The following WDR49 variants were observed in gnomAD, a reference collection of about 807,000 sequenced individuals.
The protein encoded by WDR49 is WD repeat domain 49.
A neutral mutation model predicts 119.5 loss-of-function variants in WDR49; 107 were observed. That is an observed-to-expected ratio of 0.90 (90% CI 0.77 to 1.05). WDR49 has a LOEUF of 1.05. WDR49 is among the 50% of genes least tolerant of loss of function. WDR49 has a pLI of 0.00. For synonymous variants in WDR49, 425 were observed against 418.8 expected (o/e 1.01, Z -0.18); for missense variants, 1,240 against 1,220.5 (o/e 1.02, Z -0.24).
chr3:167,480,021 A>G (rs996050574), intron 18 of WDR49, among the ~76,000 whole-genome samples: 8 of 152,050 alleles, frequency 5.3e-5, no homozygotes, highest in South Asian at 4.1e-4. Flanking sequence ...GCCTGAGGTC[A>G]GGAGTTCGAG....
At chr3:167,582,975 C>T (rs1005788954) in intron 7 of WDR49, among the ~76,000 whole-genome samples, 1 of 151,484 alleles carries the variant, frequency 6.6e-6, no homozygotes, top group Admixed American at 6.6e-5. Context: ...CACATACACA[C>T]ACACACACAC....
At chr3:167,627,771 T>C (rs1288925616) in intron 2 of WDR49, among the ~76,000 whole-genome samples, 16 of 152,120 alleles carry the variant, frequency 1.1e-4, no homozygotes, top group Admixed American at 1.0e-3. Context: ...TCATGGTTTT[T>C]GGTAATTAGT....
intron 16 of WDR49, 149 bp from the exon 17 acceptor site, chr3:167,505,565 T>G: frequency 8.5e-7 from 1 of 1,174,834 alleles, no homozygotes; most frequent in Non-Finnish European, 1.1e-6. Flanking sequence ...TTGTTTATAC[T>G]AATCAAGCCC....
intron 2 of WDR49, among the ~76,000 whole-genome samples, chr3:167,640,290 T>C (rs1354697512): frequency 1.3e-5 from 2 of 151,862 alleles, no homozygotes; most frequent in Non-Finnish European, 2.9e-5. Flanking sequence ...TTCTCTCTTG[T>C]TCTCTATTGA....
chr3:167,523,266 T>TA (rs1470368403), intron 15 of WDR49, among the ~76,000 whole-genome samples: 4 of 151,886 alleles, frequency 2.6e-5, no homozygotes, highest in African/African-American at 9.7e-5. Context: ...TAATAAATAG[T>TA]AAATAAAACT....
intron 16 of WDR49, among the ~76,000 whole-genome samples, chr3:167,516,823 A>C (rs1355869034): frequency 2.0e-5 from 3 of 151,988 alleles, no homozygotes; most frequent in African/African-American, 4.8e-5. Context: ...CTAATCTGAC[A>C]AAGGGCTAAT....
rs1398225840 is a variant in WDR49, at chr3:167,536,999, C to T, written c.1825G>A (p.Ala609Thr). 9 of 1,572,944 alleles carry T rather than the reference C, an allele frequency of 5.7e-6. No individual in the cohort carries two copies. Among genetic ancestry groups the T allele is most frequent in the Non-Finnish European group, 6.9e-6 (8 of 1,162,146 alleles). Reference sequence around the variant, plus strand: ...TTTTGGGGTCGAAACACAGTAATAGCCCTAGCAAAAAGGATATAGAATTTA... The same window carrying T: ...TTTTGGGGTCGAAACACAGTAATAGTCCTAGCAAAAAGGATATAGAATTTA... ...DYASWKTIGR[A>T]ITVFRPQNFN... is the part of the protein sequence containing the mutation. Residue 609 changes from alanine (A) to threonine (T), a missense_variant and splice_region_variant, in exon 11 of 19, where the codon GCT (alanine) becomes ACT (threonine). By Grantham distance (58) the Ala-to-Thr change is moderately conservative. Transcript: ENST00000682715.
intron 18 of WDR49, among the ~76,000 whole-genome samples, chr3:167,499,912 T>G (rs191723036): frequency 1.7e-3 from 252 of 152,314 alleles, no homozygotes; most frequent in African/African-American, 5.9e-3. Flanking sequence ...GTTCATGGCA[T>G]TCTAACTTCA....
chr3:167,607,132 A>G (rs1362722817), intron 5 of WDR49, among the ~76,000 whole-genome samples: 1 of 152,158 alleles, frequency 6.6e-6, no homozygotes, highest in Non-Finnish European at 1.5e-5. Flanking sequence ...CCACTCTAGA[A>G]TGAGGGATGT....
intron 18 of WDR49, among the ~76,000 whole-genome samples, chr3:167,497,973 C>G (rs1363837450): frequency 6.6e-6 from 1 of 150,592 alleles, no homozygotes; most frequent in Non-Finnish European, 1.5e-5. Context: ...TCCTGTGTAG[C>G]TGGGAAAACA....
chr3:167,619,697 A>G (rs1368482733), intron 5 of WDR49, among the ~76,000 whole-genome samples: 1 of 152,144 alleles, frequency 6.6e-6, no homozygotes, highest in Non-Finnish European at 1.5e-5. Context: ...GTTAATTTTC[A>G]TTCTTTTCAG....
At chr3:167,511,064 C>T (rs973449383) in intron 16 of WDR49, among the ~76,000 whole-genome samples, 6 of 151,952 alleles carry the variant, frequency 3.9e-5, no homozygotes, top group African/African-American at 9.7e-5. Context: ...TAATATTTTC[C>T]GTACTAGATG....
chr3:167,628,311 G>A (rs1422437927), intron 2 of WDR49, among the ~76,000 whole-genome samples: 2 of 152,076 alleles, frequency 1.3e-5, no homozygotes, highest in Non-Finnish European at 2.9e-5. Context: ...GCTTAATGGG[G>A]AATGCATGTC....
At chr3:167,565,948 C>T (rs1199970667) in intron 8 of WDR49, among the ~76,000 whole-genome samples, 1 of 152,042 alleles carries the variant, frequency 6.6e-6, no homozygotes, top group East Asian at 1.9e-4. Flanking sequence ...AAAAATTCTA[C>T]AAGGGATGTA....
chr3:167,608,525 A>G (rs2108311746), intron 5 of WDR49, among the ~76,000 whole-genome samples: 1 of 152,352 alleles, frequency 6.6e-6, no homozygotes, highest in Non-Finnish European at 1.5e-5. Flanking sequence ...AGGCTCAACA[A>G]TTCACGCTTA....
intron 18 of WDR49, among the ~76,000 whole-genome samples, chr3:167,487,805 G>T (rs1223314611): frequency 1.3e-5 from 2 of 151,918 alleles, no homozygotes; most frequent in East Asian, 3.9e-4. Context: ...TCAGAGAAAA[G>T]CAAATCAAAA....
chr3:167,552,177 G>T (rs1712614400), intron 10 of WDR49, among the ~76,000 whole-genome samples: 1 of 152,004 alleles, frequency 6.6e-6, no homozygotes, highest in South Asian at 2.1e-4. Context: ...AATATGTCCA[G>T]GTCAGAGGGA....
chr3:167,594,897 G>A (rs1323689525), intron 7 of WDR49, among the ~76,000 whole-genome samples: 1 of 150,102 alleles, frequency 6.7e-6, no homozygotes, highest in East Asian at 2.0e-4. Flanking sequence ...GAAATAAAGG[G>A]TATTCAATTA....
chr3:167,587,232 C>T (rs1714864704), intron 7 of WDR49, among the ~76,000 whole-genome samples: 1 of 152,094 alleles, frequency 6.6e-6, no homozygotes, highest in Non-Finnish European at 1.5e-5. Context: ...ATACAATGCT[C>T]CGGTATCCAA....
Sources: allele counts gnomAD v4.1 joint callset (sites outside exome capture counted in the v4.1 genomes callset), GRCh38; gene constraint gnomAD v4.1.1; transcripts MANE v1.5; gene names NCBI Gene and HGNC (gene_info 2026-07-23, HGNC 2026-07-21).